MINDY2: variants seen among roughly 807,000 people sequenced by gnomAD.
MINDY2 encodes MINDY lysine 48 deubiquitinase 2, also known as ubiquitin carboxyl-terminal hydrolase MINDY-2.
A neutral mutation model predicts 68.2 loss-of-function variants in MINDY2; 52 were observed. The ratio of observed to expected loss-of-function variants is 0.76; its 90% CI spans 0.61 to 0.96. MINDY2 has a LOEUF of 0.96. Ranked by LOEUF, MINDY2 falls within the 40% of genes least tolerant of loss-of-function variation. The pLI, the probability that MINDY2 is intolerant of heterozygous loss-of-function variation, is 0.00. For missense variants in MINDY2, 881 were observed against 773.4 expected (o/e 1.14, Z -1.65); for synonymous variants, 372 against 303.0 (o/e 1.23, Z -2.36).
chr15:58,820,734 C>T (rs1292282591), intron 4 of MINDY2, among the ~76,000 whole-genome samples: 1 of 152,116 alleles, frequency 6.6e-6, no homozygotes, highest in Non-Finnish European at 1.5e-5. Context: ...ATCTTTTTAA[C>T]AAGCTCCCCG....
At chr15:58,782,505 T>A (rs1901211963) in intron 1 of MINDY2, among the ~76,000 whole-genome samples, 1 of 152,232 alleles carries the variant, frequency 6.6e-6, no homozygotes. Context: ...CAAATTTCCA[T>A]TGTTATCAAT....
At chr15:58,804,616 G>T (rs1902893953) in intron 3 of MINDY2, among the ~76,000 whole-genome samples, 1 of 151,946 alleles carries the variant, frequency 6.6e-6, no homozygotes, top group South Asian at 2.1e-4. Flanking sequence ...GACCAGCCTG[G>T]GCAACATGGC....
intron 6 of MINDY2, among the ~76,000 whole-genome samples, chr15:58,834,844 C>G (rs923826376): frequency 6.6e-6 from 1 of 152,152 alleles, no homozygotes; most frequent in Non-Finnish European, 1.5e-5. Context: ...AAAGCCGTTG[C>G]TCTCCCATTC....
intron 6 of MINDY2, among the ~76,000 whole-genome samples, chr15:58,843,297 G>A (rs1209117547): frequency 2.0e-5 from 3 of 151,930 alleles, no homozygotes; most frequent in Non-Finnish European, 4.4e-5. Context: ...CTACAGGCAT[G>A]TACCACTACA....
intron 5 of MINDY2, among the ~76,000 whole-genome samples, chr15:58,824,824 C>A (rs1360865026): frequency 2.6e-5 from 4 of 151,972 alleles, no homozygotes; most frequent in Non-Finnish European, 5.9e-5. Context: ...CATGTGCCAC[C>A]ATGCCCGACT....
Position 58,810,543 on chromosome 15 carries a change from C to G in MINDY2, c.1122+155C>G, listed in dbSNP as rs577743243. On this transcript the variant is annotated intron_variant, in intron 4 of 8. Transcript: ENST00000559228. Reference sequence around the variant, plus strand: ...GAGGTTAAGAACAGAGTCCTCCAGACTACTAAGTCTGCCCAAGGCTTCTGA... The same window carrying G: ...GAGGTTAAGAACAGAGTCCTCCAGAGTACTAAGTCTGCCCAAGGCTTCTGA... Among the ~76,000 whole-genome samples the G allele has an allele frequency of 7.9e-5, 12 of 152,216 alleles. No individual in the cohort carries two copies. In the South Asian group the frequency reaches 1.9e-3, roughly 24 times the overall value.
At chr15:58,808,301 T>A (rs2029958090) in intron 3 of MINDY2, among the ~76,000 whole-genome samples, 1 of 152,200 alleles carries the variant, frequency 6.6e-6, no homozygotes, top group Non-Finnish European at 1.5e-5. Context: ...TAATGTCACG[T>A]ATCTACCATT....
At chr15:58,806,396 C>T (rs1055340838) in intron 3 of MINDY2, among the ~76,000 whole-genome samples, 1 of 141,490 alleles carries the variant, frequency 7.1e-6, no homozygotes, top group Non-Finnish European at 1.5e-5. Context: ...CTCACTCTGT[C>T]ACTTTGTCTG....
intron 4 of MINDY2, among the ~76,000 whole-genome samples, chr15:58,812,016 A>G (rs1567056557): frequency 6.6e-6 from 1 of 152,238 alleles, no homozygotes. Context: ...GAAAAAGACA[A>G]AGGAATCATA....
intron 2 of MINDY2, among the ~76,000 whole-genome samples, chr15:58,790,011 T>C (rs1901781010): frequency 6.6e-6 from 1 of 152,118 alleles, no homozygotes; most frequent in Non-Finnish European, 1.5e-5. Context: ...ACTCCTGGGC[T>C]CAAGCGATCC....
chr15:58,809,467 C>T (rs2030065646), intron 3 of MINDY2, among the ~76,000 whole-genome samples: 1 of 151,778 alleles, frequency 6.6e-6, no homozygotes, highest in East Asian at 1.9e-4. Flanking sequence ...TTTCTTTATT[C>T]ATTTGTCAGT....
In MINDY2 at chr15:58,857,196, C is replaced by A. The variant is rs2033087017; in HGVS notation, c.*2586C>A. On this transcript the variant is annotated 3_prime_UTR_variant, in exon 9 of 9. Coordinates refer to ENST00000559228, the MANE Select transcript of MINDY2 (RefSeq NM_001040450.3). Reference sequence around the variant, plus strand: ...ACTGTGGGGGGAAAGATGAAATGTTCAATTGTATTAAAACAAACAAGCTTT... The same window carrying A: ...ACTGTGGGGGGAAAGATGAAATGTTAAATTGTATTAAAACAAACAAGCTTT... The A allele has an allele frequency of 6.6e-6, 1 of 152,082 alleles. No homozygotes were observed. The highest frequency in any genetic ancestry group is 1.5e-5 in the Non-Finnish European group (1 of 68,022). 9.4% of individuals were successfully genotyped at this position (152,082 alleles called of 1,614,324 possible).
chr15:58,803,521 A>G (rs1324217865), intron 3 of MINDY2, among the ~76,000 whole-genome samples: 1 of 151,642 alleles, frequency 6.6e-6, no homozygotes, highest in Non-Finnish European at 1.5e-5. Flanking sequence ...TTATATCATA[A>G]GATAGGAAAT....
intron 2 of MINDY2, chr15:58,795,997 C>T: frequency 2.3e-6 from 1 of 429,572 alleles, no homozygotes. Context: ...GGAGAATACT[C>T]TCTTTATGAC....
At chr15:58,850,723 C>T (rs1452376467) in intron 7 of MINDY2, among the ~76,000 whole-genome samples, 3 of 151,862 alleles carry the variant, frequency 2.0e-5, no homozygotes, top group African/African-American at 7.3e-5. Context: ...TAGCTGGGAC[C>T]ATGGGCATGC....
At chr15:58,844,484 G>A (rs549140608) in intron 6 of MINDY2, among the ~76,000 whole-genome samples, 38 of 151,502 alleles carry the variant, frequency 2.5e-4, no homozygotes, top group African/African-American at 6.1e-4. Flanking sequence ...CCCAGGAGGC[G>A]GAGGTTGCAG....
rs1411641432 is a variant in MINDY2 at position 58,852,053 on chromosome 15, GAGGC to G, written c.1737+95_1737+98del. On this transcript the variant is annotated intron_variant, in intron 8 of 8. Coordinates refer to ENST00000559228, the MANE Select transcript of MINDY2 (RefSeq NM_001040450.3). ...TGTATTCCCAGCCCTTTGGGAGGCT[GAGGC>G]AGGCAGATTGCTTGAGCCCAGGAGT... The G allele has an allele frequency of 4.0e-6, 4 of 1,011,138 alleles. No individual in the cohort carries two copies. In the Admixed American group the frequency reaches 8.1e-5, roughly 20 times the overall value. 62.6% of individuals were successfully genotyped at this position (1,011,138 alleles called of 1,614,324 possible).
chr15:58,822,736 G>A (rs574675249), intron 5 of MINDY2, among the ~76,000 whole-genome samples: 5 of 152,046 alleles, frequency 3.3e-5, no homozygotes, highest in Non-Finnish European at 5.9e-5. Flanking sequence ...GCTATCAAAA[G>A]GCATAGCATG....
chr15:58,807,225 C>T (rs1201804382), intron 3 of MINDY2, among the ~76,000 whole-genome samples: 1 of 151,978 alleles, frequency 6.6e-6, no homozygotes, highest in Non-Finnish European at 1.5e-5. Flanking sequence ...GTCTGATTAG[C>T]AGTAGGGATT....
Sources: gnomAD v4.1 joint callset for allele counts (sites outside exome capture counted in the v4.1 genomes callset) on GRCh38, gnomAD v4.1.1 for gene constraint, MANE v1.5 for transcripts, NCBI Gene and HGNC (gene_info 2026-07-23, HGNC 2026-07-21) for gene names.